The following DECR1 variants were observed in gnomAD, a reference collection of about 807,000 sequenced individuals.
The protein encoded by DECR1 is 2,4-dienoyl-CoA reductase 1, also known as 2,4-dienoyl-CoA reductase [(3E)-enoyl-CoA-producing], mitochondrial.
A neutral mutation model predicts 38.8 loss-of-function variants in DECR1; 44 were observed. The ratio of observed to expected loss-of-function variants is 1.13; its 90% CI spans 0.89 to 1.46. The LOEUF (loss-of-function observed/expected upper bound fraction) is 1.46. DECR1 is among the 40% of genes most tolerant of loss of function. The probability of loss-of-function intolerance (pLI) is 0.00; values close to 1 mark genes in which losing one functional copy is unlikely to be tolerated. For missense variants in DECR1, 428 were observed against 405.5 expected (o/e 1.06, Z -0.48); for synonymous variants, 148 against 135.2 (o/e 1.09, Z -0.66).
intron 8 of DECR1, among the ~76,000 whole-genome samples, chr8:90,047,948 G>A (rs1239057188): frequency 6.6e-6 from 1 of 152,144 alleles, no homozygotes; most frequent in Non-Finnish European, 1.5e-5. Context: ...GGTACATAAC[G>A]AAATGAAGGC....
intron 5 of DECR1, 148 bp from the exon 6 acceptor site, chr8:90,036,693 C>T (rs1475647505): frequency 5.6e-6 from 3 of 535,598 alleles, no homozygotes; most frequent in African/African-American, 1.9e-5. Context: ...GTTACTCTCT[C>T]ATTAATTTAG....
At chr8:90,005,334 CTGCTGTCAAGAAGCATAGAG>C in intron 1 of DECR1, 1 of 456,284 alleles carries the variant, frequency 2.2e-6, no homozygotes, top group Non-Finnish European at 4.4e-6. Flanking sequence ...GAGCTGATTC[CTGCTGTCAAGAAGCATAGAG>C]TCCAATGGCA....
intron 5 of DECR1, among the ~76,000 whole-genome samples, chr8:90,034,391 C>G (rs1448252584): frequency 6.6e-6 from 1 of 152,108 alleles, no homozygotes; most frequent in African/African-American, 2.4e-5. Context: ...ACTGATTTCT[C>G]AGGACCTAAA....
chr8:90,006,239 T>A, intron 1 of DECR1: 1 of 704,068 alleles, frequency 1.4e-6, no homozygotes, highest in Non-Finnish European at 2.6e-6. Context: ...TAGGGAGATG[T>A]CAGGACTGGG....
chr8:90,001,499 C>G lies in DECR1; in HGVS notation c.7C>G (p.Leu3Val). 1 of 1,614,050 alleles carries G rather than the reference C, an allele frequency of 6.2e-7. No individual in the cohort carries two copies. The highest frequency in any genetic ancestry group is 8.5e-7 in the Non-Finnish European group (1 of 1,179,910). MKLPARVFFTLGS... is the reference protein window; with the variant it reads MKVPARVFFTLGS... ...CGAGTTCTGGAGACTCAACATGAAG[C>G]TACCGGCCAGGGTTTTCTTTACTCT... The change falls in exon 1 of 10, where the codon CTA (leucine) becomes GTA (valine). Residue 3 changes from leucine to valine, a missense_variant. By Grantham distance (32) the Leu-to-Val change is conservative. Transcript: ENST00000220764.
chr8:90,025,445 G>C (rs1455802480), intron 5 of DECR1, among the ~76,000 whole-genome samples: 1 of 152,150 alleles, frequency 6.6e-6, no homozygotes, highest in Non-Finnish European at 1.5e-5. Context: ...CACATCCCTT[G>C]TAAGTTGGAT....
Position 90,036,056 on chromosome 8 carries a change from C to A in DECR1, c.566-785C>A, listed in dbSNP as rs182718192. Among the ~76,000 whole-genome samples, 13 of 152,196 alleles carry A rather than the reference C, an allele frequency of 8.5e-5. No individual in the cohort carries two copies. In the East Asian group the frequency reaches 2.5e-3, roughly 29 times the overall value. ...CACTTACAGCTTCCTAGTAGTTGTT[C>A]TTTGCCTGGCCTCAATGGAATCTCA... On this transcript the variant is annotated intron_variant, in intron 5 of 9. Coordinates refer to ENST00000220764, the MANE Select transcript of DECR1 (RefSeq NM_001359.2).
At chr8:90,039,899 C>A (rs1813711907) in intron 6 of DECR1, among the ~76,000 whole-genome samples, 1 of 152,132 alleles carries the variant, frequency 6.6e-6, no homozygotes. Context: ...ATATAATAAA[C>A]ATTGGTTGAA....
Position 90,052,208 on chromosome 8 carries a change from A to G in DECR1, c.*311A>G, listed in dbSNP as rs997763441. ...ACAGATCTTTGTGACTTGGAAAATC[A>G]GGAGAAACTCAATGGTGGCGGTAGC... On this transcript the variant is annotated 3_prime_UTR_variant, in exon 10 of 10. Coordinates refer to ENST00000220764, the MANE Select transcript of DECR1 (RefSeq NM_001359.2). 5 of 277,966 alleles carry G rather than the reference A, an allele frequency of 1.8e-5. No individual in the cohort carries two copies. The highest frequency in any genetic ancestry group is 8.9e-5 in the African/African-American group (4 of 45,140). The allele number at this position is 277,966 out of a possible 1,614,324, so 17.2% of individuals were successfully genotyped here. A position where few individuals can be genotyped will look rare whatever the true frequency, so the allele number is the denominator to read the frequency against.
intron 1 of DECR1, among the ~76,000 whole-genome samples, chr8:90,010,771 A>G (rs994146880): frequency 6.6e-6 from 1 of 152,240 alleles, no homozygotes; most frequent in Non-Finnish European, 1.5e-5. Flanking sequence ...CATTATCTTT[A>G]TAAATATAGC....
chr8:90,014,889 G>A (rs1812969332), intron 1 of DECR1, among the ~76,000 whole-genome samples: 1 of 152,086 alleles, frequency 6.6e-6, no homozygotes, highest in Non-Finnish European at 1.5e-5. Flanking sequence ...CAGCTTTAAG[G>A]AAAACTGCCA....
At chr8:90,006,982 G>A (rs1287952763) in intron 1 of DECR1, among the ~76,000 whole-genome samples, 2 of 152,166 alleles carry the variant, frequency 1.3e-5, no homozygotes, top group African/African-American at 2.4e-5. Flanking sequence ...GTCCTGAAAT[G>A]TCAGTAGGGT....
At chr8:90,046,964 C>CT (rs1813923496) in intron 8 of DECR1, among the ~76,000 whole-genome samples, 1 of 152,160 alleles carries the variant, frequency 6.6e-6, no homozygotes, top group South Asian at 2.1e-4. Context: ...AAATAAAATA[C>CT]TTTACAGACA....
At chr8:90,007,493 A>C (rs1812772956) in intron 1 of DECR1, among the ~76,000 whole-genome samples, 1 of 150,428 alleles carries the variant, frequency 6.6e-6, no homozygotes, top group Non-Finnish European at 1.5e-5. Context: ...TTATAGACGG[A>C]TGGGATGTAT....
intron 5 of DECR1, among the ~76,000 whole-genome samples, chr8:90,034,879 T>C (rs1345372224): frequency 6.6e-6 from 1 of 152,106 alleles, no homozygotes; most frequent in Non-Finnish European, 1.5e-5. Flanking sequence ...CAAGAAAAAA[T>C]ATTTTATATT....
At chr8:90,044,570 CCT>C (rs1813836804) in intron 7 of DECR1, among the ~76,000 whole-genome samples, 1 of 152,164 alleles carries the variant, frequency 6.6e-6, no homozygotes, top group South Asian at 2.1e-4. Context: ...TTTCAGGATA[CCT>C]TTATATACAT....
At chr8:90,043,688 G>C (rs1813819536) in intron 7 of DECR1, among the ~76,000 whole-genome samples, 1 of 152,140 alleles carries the variant, frequency 6.6e-6, no homozygotes, top group South Asian at 2.1e-4. Flanking sequence ...TTAAAGGATG[G>C]GAAATAGAAA....
chr8:90,027,541 C>A (rs565133763), intron 5 of DECR1, among the ~76,000 whole-genome samples: 4 of 152,062 alleles, frequency 2.6e-5, no homozygotes, highest in African/African-American at 9.7e-5. Context: ...AGGATTACAA[C>A]CCCTGCTTTT....
In DECR1 at chr8:90,042,728, G is replaced by C. The variant is rs746977597; in HGVS notation, c.666G>C (p.Lys222Asn). ...SAKAGVEAMS[K>N]SLAAEWGKYG... is the part of the protein sequence containing the mutation. ...GTATGTTGTTGATTTTAATTTTTAG[G>C]TCTCTTGCAGCTGAATGGGGTAAAT... The change falls in exon 7 of 10, where the codon AAG (lysine) becomes AAC (asparagine). Residue 222 changes from lysine to asparagine, a missense_variant and splice_region_variant. Lys to Asn is a moderately conservative substitution (Grantham distance 94, BLOSUM62 0). Transcript: ENST00000220764. 1 of 1,612,804 alleles carries C rather than the reference G, an allele frequency of 6.2e-7. No individual in the cohort carries two copies. The highest frequency in any genetic ancestry group is 8.5e-7 in the Non-Finnish European group (1 of 1,179,162).
Sources: allele counts gnomAD v4.1 joint callset (sites outside exome capture counted in the v4.1 genomes callset), GRCh38; gene constraint gnomAD v4.1.1; transcripts MANE v1.5; gene names NCBI Gene and HGNC (gene_info 2026-07-23, HGNC 2026-07-21).